The following ZNF337 variants were observed in gnomAD, a reference collection of about 807,000 sequenced individuals.
The protein encoded by ZNF337 is zinc finger protein 337.
ZNF337 carries 8 observed loss-of-function variants against 12.1 expected under a neutral mutation model. The observed-to-expected ratio is 0.66, with a 90% CI of 0.39 to 1.19. ZNF337 has a LOEUF of 1.19. ZNF337 is among the 50% of genes most tolerant of loss of function. The probability of loss-of-function intolerance (pLI) is 0.01; values close to 1 mark genes in which losing one functional copy is unlikely to be tolerated. For missense variants in ZNF337, 882 were observed against 896.6 expected, an observed-to-expected ratio of 0.98 and a Z score of 0.21; for synonymous variants, 336 against 320.0, an observed-to-expected ratio of 1.05 and a Z score of -0.53.
chr20:25,686,294 T>C (rs1038495512), intron 2 of ZNF337, 97 bp downstream of exon 2: 3 of 1,464,874 alleles, frequency 2.0e-6, no homozygotes, highest in Non-Finnish European at 2.8e-6. Context: ...GGAGCGGTGC[T>C]GGCCTTGGTC....
chr20:25,684,562 T>G (rs1438130181), intron 4 of ZNF337, among the ~76,000 whole-genome samples: 1 of 152,106 alleles, frequency 6.6e-6, no homozygotes, highest in Non-Finnish European at 1.5e-5. Context: ...TGGAAGACAG[T>G]GTGGCGATTC....
intron 1 of ZNF337, among the ~76,000 whole-genome samples, chr20:25,687,747 G>A (rs904134879): frequency 2.0e-5 from 3 of 152,212 alleles, no homozygotes; most frequent in Non-Finnish European, 4.4e-5. Flanking sequence ...TATGCACACC[G>A]TATCTTATGT....
At position 25,694,533 on chromosome 20, in the gene ZNF337, C is replaced by G. The variant is rs11698631; in HGVS notation, c.-50+2226G>C. Among the ~76,000 whole-genome samples, 871 of 152,246 alleles carry G rather than the reference C, an allele frequency of 5.7e-3. 2 individuals carry two copies. The highest frequency in any genetic ancestry group is 8.2e-3 in the Non-Finnish European group (560 of 68,028). On this transcript the variant is annotated intron_variant, in intron 1 of 4. Transcript: ENST00000252979. Reference sequence around the variant, plus strand: ...GATTAAAATCAGTTATTTGGATGGTCAGTCCACAGCCCCAGAGACATTTAA... The same window carrying G: ...GATTAAAATCAGTTATTTGGATGGTGAGTCCACAGCCCCAGAGACATTTAA...
At chr20:25,679,181 G>T (rs557529740) in intron 4 of ZNF337, among the ~76,000 whole-genome samples, 66 of 152,210 alleles carry the variant, frequency 4.3e-4, no homozygotes, top group African/African-American at 1.5e-3. Flanking sequence ...ATAGATTAAA[G>T]ACTTAAACAT....
rs1458350943 is a variant in ZNF337 at position 25,696,818 on chromosome 20, C to T, written c.-109G>A. Reference sequence around the variant, plus strand: ...CACCGATGGTGGACCACGCATCTCACGGCTCGCTGACGCCCAGGGATCTGG... The same window carrying T: ...CACCGATGGTGGACCACGCATCTCATGGCTCGCTGACGCCCAGGGATCTGG... On this transcript the variant is annotated 5_prime_UTR_variant, in exon 1 of 5. In the 5' UTR this introduces an upstream ATG that the reference lacks. Coordinates refer to ENST00000252979, the MANE Select transcript of ZNF337 (RefSeq NM_015655.4). 5.1e-6 allele frequency: 5 copies of T among 985,404 alleles called. No individual in the cohort carries two copies. The highest frequency in any genetic ancestry group is 2.3e-4 in the East Asian group (2 of 8,822). The allele number at this position is 985,404 out of a possible 1,614,324, so 61.0% of individuals were successfully genotyped here.
intron 1 of ZNF337, among the ~76,000 whole-genome samples, chr20:25,687,329 G>GA (rs932264210): frequency 3.3e-5 from 5 of 151,840 alleles, no homozygotes; most frequent in Admixed American, 2.6e-4. Context: ...CGAATTTTTT[G>GA]AAAAAAATTC....
At position 25,685,560 on chromosome 20, in the gene ZNF337, C is replaced by T; in HGVS notation, c.250+7G>A. On this transcript the variant is annotated splice_region_variant and intron_variant, in intron 4 of 4. Transcript: ENST00000252979. ...TTGTGCTCTGTCTGCCCTGTCTATC[C>T]CCTCACCTGCACAGGGGCCTGGCCG... is the stretch of plus-strand genomic sequence containing the variant. The T allele has an allele frequency of 6.2e-7, 1 of 1,612,344 alleles. No individual in the cohort carries two copies. Among genetic ancestry groups the T allele is most frequent in the Non-Finnish European group, 8.5e-7 (1 of 1,178,418 alleles).
rs1211031314 is a variant in ZNF337, at chr20:25,687,472, AAAG to A, written c.-49-1009_-49-1007del. On this transcript the variant is annotated intron_variant, in intron 1 of 4. Coordinates refer to ENST00000252979, the MANE Select transcript of ZNF337 (RefSeq NM_015655.4). Reference sequence around the variant, plus strand: ...TAAAAACACAGACATATAGGGGTGAAAAGAAGGAAATGTGAAGGAACAAAGATG... The same window carrying A: ...TAAAAACACAGACATATAGGGGTGAAAAGGAAATGTGAAGGAACAAAGATG... Among the ~76,000 whole-genome samples the A allele has an allele frequency of 3.9e-5, 6 of 152,332 alleles. No homozygotes were observed. The East Asian group carries it at 1.2e-3, about 29-fold the overall frequency.
In ZNF337 at chr20:25,694,671, A is replaced by T. The variant is rs140082314; in HGVS notation, c.-50+2088T>A. ...TTTTCCCTTGCCCAAATGCCTATGT[A>T]TGAGGCTTGGGGAATCCTGCCCGAG... On this transcript the variant is annotated intron_variant, in intron 1 of 4. Coordinates refer to ENST00000252979, the MANE Select transcript of ZNF337 (RefSeq NM_015655.4). 1.0e-3 allele frequency among the ~76,000 whole-genome samples: 152 copies of T among 152,264 alleles called. 1 individual carries two copies. Among genetic ancestry groups the T allele is most frequent in the African/African-American group, 3.6e-3 (149 of 41,562 alleles).
chr20:25,687,592 G>T (rs898923204), intron 1 of ZNF337, among the ~76,000 whole-genome samples: 11 of 152,136 alleles, frequency 7.2e-5, no homozygotes, highest in Non-Finnish European at 2.9e-5. Context: ...GTTATGAAAA[G>T]AAAATAAAAC....
chr20:25,676,761 C>G lies in ZNF337; in HGVS notation c.527G>C (p.Arg176Thr). The change falls in exon 5 of 5, where the codon AGA (arginine) becomes ACA (threonine). Residue 176 changes from arginine to threonine, a missense_variant. By Grantham distance (71) the Arg-to-Thr change is moderately conservative. Transcript: ENST00000252979. Reference sequence around the variant, plus strand: ...CTCTGCACACTTGAATGCTCCCCATCTTGAATTTTCTATTCCTTTCAATAC... The same window carrying G: ...CTCTGCACACTTGAATGCTCCCCATGTTGAATTTTCTATTCCTTTCAATAC... ...DKVLKGIENS[R>T]WGAFKCAERG... The G allele has an allele frequency of 6.2e-7, 1 of 1,614,240 alleles. No individual in the cohort carries two copies. The highest frequency in any genetic ancestry group is 8.5e-7 in the Non-Finnish European group (1 of 1,180,046).
chr20:25,685,808 C>T, intron 3 of ZNF337, 146 bp from the exon 4 acceptor site: 3 of 1,164,908 alleles, frequency 2.6e-6, no homozygotes, highest in East Asian at 2.4e-5. Context: ...GAGTACAAAC[C>T]CCCAGGGGGA....
At chr20:25,689,528 T>G (rs116070954) in intron 1 of ZNF337, among the ~76,000 whole-genome samples, 1 of 152,170 alleles carries the variant, frequency 6.6e-6, no homozygotes, top group Non-Finnish European at 1.5e-5. Context: ...TGTATCTTGA[T>G]TGAGGTGATA....
intron 1 of ZNF337, among the ~76,000 whole-genome samples, chr20:25,693,911 A>C (rs2065900602): frequency 1.3e-5 from 2 of 152,136 alleles, no homozygotes; most frequent in African/African-American, 4.8e-5. Flanking sequence ...GCGATCCTCA[A>C]AGGTGGCCTT....
intron 4 of ZNF337, chr20:25,677,908 A>G (rs1453168266): frequency 6.6e-6 from 1 of 152,158 alleles, no homozygotes; most frequent in African/African-American, 2.4e-5. Context: ...AATATAGACA[A>G]TATGTTCCAA....
intron 4 of ZNF337, among the ~76,000 whole-genome samples, chr20:25,682,020 A>T (rs2065774723): frequency 1.3e-5 from 2 of 152,180 alleles, no homozygotes; most frequent in African/African-American, 4.8e-5. Context: ...TCATTCTATA[A>T]GCCTTTCAAC....
chr20:25,675,930 GTGATC>G lies in ZNF337; in HGVS notation c.1353_1357del (p.Gln451HisfsTer48), dbSNP rs781164616. The G allele has an allele frequency of 3.1e-6, 5 of 1,613,878 alleles. No homozygotes were observed. Among genetic ancestry groups the G allele is most frequent in the Non-Finnish European group, 4.2e-6 (5 of 1,179,962 alleles). ...CACAAAAGGCTTCTCCTCTGAGTGT[GTGATC>G]TGATGTTTCACAAGGGTTGACTTCT... On this transcript the variant is annotated frameshift_variant, in exon 5 of 5. Transcript: ENST00000252979. LOFTEE classifies it low-confidence loss of function (END_TRUNC).
chr20:25,682,616 T>A (rs1294126879), intron 4 of ZNF337, among the ~76,000 whole-genome samples: 1 of 152,092 alleles, frequency 6.6e-6, no homozygotes, highest in Non-Finnish European at 1.5e-5. Flanking sequence ...GAGGATCACC[T>A]GAGGTCAGGA....
chr20:25,683,179 C>T (rs984467328), intron 4 of ZNF337, among the ~76,000 whole-genome samples: 41 of 152,288 alleles, frequency 2.7e-4, no homozygotes, highest in African/African-American at 9.9e-4. Context: ...CAGGGCCTAA[C>T]TGTGAACTAA....
Sources: allele counts gnomAD v4.1 joint callset (sites outside exome capture counted in the v4.1 genomes callset), GRCh38; gene constraint gnomAD v4.1.1; transcripts MANE v1.5; gene names NCBI Gene and HGNC (gene_info 2026-07-23, HGNC 2026-07-21).